The following SPTBN1 variants were observed in gnomAD, a reference collection of about 807,000 sequenced individuals.
SPTBN1 encodes the protein spectrin beta chain, non-erythrocytic 1.
A neutral mutation model predicts 266.4 loss-of-function variants in SPTBN1; 32 were observed. The observed-to-expected ratio is 0.12, with a 90% CI of 0.09 to 0.16. The LOEUF is 0.16. Among genes scored for constraint, SPTBN1 ranks in the 10% least tolerant of loss-of-function variants. The pLI is 1.00. For synonymous variants in SPTBN1, 1,336 were observed against 1,162.2 expected, an observed-to-expected ratio of 1.15 and a Z score of -3.04; for missense variants, 2,296 against 3,067.1, an observed-to-expected ratio of 0.75 and a Z score of 5.94.
At chr2:54,528,444 G>C (rs1391715037) in intron 2 of SPTBN1, 1 of 152,578 alleles carries the variant, frequency 6.6e-6, no homozygotes, top group Non-Finnish European at 1.5e-5. Context: ...AGGTCCCTCA[G>C]TAACTGTAGT....
chr2:54,611,528 G>A lies in SPTBN1; in HGVS notation c.301-633G>A, dbSNP rs539163121. On this transcript the variant is annotated intron_variant, in intron 3 of 35. Transcript: ENST00000356805. ...TATTTAAAATGTTCACCTTCCAAGG[G>A]CCTCTTTTACGTTTTGATAAAACTG... Among the ~76,000 whole-genome samples, 8 of 151,992 alleles carry A rather than the reference G, an allele frequency of 5.3e-5. No individual in the cohort carries two copies. The East Asian group carries it at 7.7e-4, about 15-fold the overall frequency.
At chr2:54,594,833 C>CTTTT (rs71408777) in intron 2 of SPTBN1, among the ~76,000 whole-genome samples, 1,928 of 104,598 alleles carry the variant, frequency 0.018, 120 homozygotes, top group East Asian at 0.12. Flanking sequence ...TGGTAAGTTT[C>CTTTT]TTTTTTTTTT....
chr2:54,504,473 T>TG (rs1669448268), intron 1 of SPTBN1, among the ~76,000 whole-genome samples: 1 of 152,156 alleles, frequency 6.6e-6, no homozygotes, highest in African/African-American at 2.4e-5. Flanking sequence ...AGAAAATATT[T>TG]GGGAAAAAAA....
chr2:54,621,926 C>A (rs1347270991), intron 8 of SPTBN1, among the ~76,000 whole-genome samples: 2 of 152,192 alleles, frequency 1.3e-5, no homozygotes, highest in Admixed American at 6.5e-5. Context: ...CCTCTCAATG[C>A]AGTGAAGTCA....
intron 2 of SPTBN1, among the ~76,000 whole-genome samples, chr2:54,560,155 G>T (rs1192185346): frequency 6.9e-6 from 1 of 145,954 alleles, no homozygotes; most frequent in African/African-American, 2.6e-5. Flanking sequence ...TAAGCTGGGG[G>T]CGCTTGCAAG....
At position 54,612,141 on chromosome 2, in the gene SPTBN1, C is replaced by G; in HGVS notation, c.301-20C>G. ...ACTCTGTTGGGTGATGTGTCTCTAC[C>G]TCTGCTCTCCTGTTTCTAGCCTAAA... is the stretch of plus-strand genomic sequence containing the variant. On this transcript the variant is annotated intron_variant, in intron 3 of 35. Coordinates refer to ENST00000356805, the MANE Select transcript of SPTBN1 (RefSeq NM_003128.3). The G allele has an allele frequency of 6.4e-7, 1 of 1,570,104 alleles. No homozygotes were observed. Among genetic ancestry groups the G allele is most frequent in the Non-Finnish European group, 8.7e-7 (1 of 1,154,042 alleles).
intron 18 of SPTBN1, among the ~76,000 whole-genome samples, chr2:54,638,899 C>T (rs1230369226): frequency 1.3e-5 from 2 of 152,210 alleles, no homozygotes; most frequent in African/African-American, 4.8e-5. Context: ...GTGACAGCTG[C>T]GTTAGATCAC....
intron 1 of SPTBN1, among the ~76,000 whole-genome samples, chr2:54,466,639 A>G (rs1573206349): frequency 6.6e-6 from 1 of 150,780 alleles, no homozygotes; most frequent in Non-Finnish European, 1.5e-5. Context: ...TCATGAGCCT[A>G]TTAACATTGG....
At chr2:54,661,068 T>TG in intron 32 of SPTBN1, 2 of 985,452 alleles carry the variant, frequency 2.0e-6, no homozygotes, top group Non-Finnish European at 2.4e-6. Flanking sequence ...TCAGAAGTCA[T>TG]GTCAGTGTCT....
At chr2:54,658,863 A>G (rs183461985) in intron 30 of SPTBN1, among the ~76,000 whole-genome samples, 2 of 152,326 alleles carry the variant, frequency 1.3e-5, no homozygotes, top group East Asian at 1.9e-4. Context: ...TCTCCTCAGC[A>G]GAGTTGAGAG....
chr2:54,463,435 TAG>T (rs778818454), intron 1 of SPTBN1, among the ~76,000 whole-genome samples: 5 of 152,206 alleles, frequency 3.3e-5, no homozygotes, highest in Non-Finnish European at 5.9e-5. Flanking sequence ...AGGTCATGGC[TAG>T]AGAGGCTGAT....
intron 2 of SPTBN1, among the ~76,000 whole-genome samples, chr2:54,545,085 G>C (rs1037893574): frequency 6.6e-6 from 1 of 152,304 alleles, no homozygotes; most frequent in Admixed American, 6.5e-5. Context: ...CTTCATCCAT[G>C]TTCCTGCAAA....
Position 54,629,755 on chromosome 2 carries a change from A to G in SPTBN1, c.2621A>G (p.Asn874Ser). Residue 874 changes from asparagine (N) to serine (S), a missense_variant, in exon 14 of 36, where the codon AAC (asparagine) becomes AGC (serine). Asn to Ser is a conservative substitution (Grantham distance 46, BLOSUM62 1). Transcript: ENST00000356805. Reference protein sequence around the residue: ...WIDEKEQWLNNMQIPEKLEDL... With the variant: ...WIDEKEQWLNSMQIPEKLEDL... ...GACGAGAAGGAGCAGTGGCTCAACAACATGCAGATCCCAGAGAAGCTGGAG... is the reference window on the plus strand; with the variant it reads ...GACGAGAAGGAGCAGTGGCTCAACAGCATGCAGATCCCAGAGAAGCTGGAG... 6.2e-7 allele frequency: 1 copy of G among 1,611,338 alleles called. No homozygotes were observed. Among genetic ancestry groups the G allele is most frequent in the Non-Finnish European group, 8.5e-7 (1 of 1,179,946 alleles).
chr2:54,577,063 C>T (rs1269216362), intron 2 of SPTBN1, among the ~76,000 whole-genome samples: 1 of 151,962 alleles, frequency 6.6e-6, no homozygotes, highest in Non-Finnish European at 1.5e-5. Flanking sequence ...AGTTTTTTTT[C>T]CCCTTCCATT....
Position 54,558,329 on chromosome 2 carries a change from C to T in SPTBN1, c.148+31763C>T, listed in dbSNP as rs1558837033. On this transcript the variant is annotated intron_variant, in intron 2 of 35. Coordinates refer to ENST00000356805, the MANE Select transcript of SPTBN1 (RefSeq NM_003128.3). This position sits in a 1 kb window ranked among gnomAD's most constrained non-coding sequence, Gnocchi z 4.6. The stretch of plus-strand genomic sequence containing the variant: ...ATGCTAATCAGGTGACATCACCGCC[C>T]AGCACACGGCGAGTGGCTCCTGATA... 11 of 994,480 alleles carry T rather than the reference C, an allele frequency of 1.1e-5. No individual in the cohort carries two copies. Among genetic ancestry groups the T allele is most frequent in the African/African-American group, 1.7e-5 (1 of 57,396 alleles). The allele number at this position is 994,480 out of a possible 1,614,324, so 61.6% of individuals were successfully genotyped here.
At chr2:54,631,711 T>G in intron 16 of SPTBN1, 100 bp downstream of exon 16, 1 of 1,389,606 alleles carries the variant, frequency 7.2e-7, no homozygotes, top group Non-Finnish European at 9.7e-7. Flanking sequence ...CACACCTGTA[T>G]GGAATTATAT....
At chr2:54,479,235 ATAAAG>A (rs1667988165) in intron 1 of SPTBN1, among the ~76,000 whole-genome samples, 2 of 152,358 alleles carry the variant, frequency 1.3e-5, no homozygotes, top group African/African-American at 2.4e-5. Context: ...TTAAAGGCAA[ATAAAG>A]TATAGTTATA....
At chr2:54,668,034 C>T (rs1265068957) in intron 35 of SPTBN1, among the ~76,000 whole-genome samples, 1 of 152,206 alleles carries the variant, frequency 6.6e-6, no homozygotes, top group African/African-American at 2.4e-5. Flanking sequence ...GGAAAAACAA[C>T]ACCTGTAATG....
chr2:54,526,785 G>A (rs1670844471), intron 2 of SPTBN1: 3 of 424,314 alleles, frequency 7.1e-6, no homozygotes, highest in Non-Finnish European at 1.2e-5. Flanking sequence ...AGCACAGAGT[G>A]TTATTTATAG....
Sources: allele counts gnomAD v4.1 joint callset (sites outside exome capture counted in the v4.1 genomes callset), GRCh38; gene constraint gnomAD v4.1.1; non-coding constraint Gnocchi (gnomAD v3.1); transcripts MANE v1.5; gene names NCBI Gene and HGNC (gene_info 2026-07-23, HGNC 2026-07-21).